The following SELENOT variants were observed in gnomAD, a reference collection of about 807,000 sequenced individuals.
The protein encoded by SELENOT is selenoprotein T, also known as thioredoxin reductase-like selenoprotein T.
SELENOT carries 9 observed loss-of-function variants against 24.3 expected under a neutral mutation model. That is an observed-to-expected ratio of 0.37 (90% CI 0.22 to 0.65). The LOEUF (loss-of-function observed/expected upper bound fraction) is 0.65. Ranked by LOEUF, SELENOT falls within the 30% of genes least tolerant of loss-of-function variation. The pLI is 0.60. For missense variants in SELENOT, 166 were observed against 247.6 expected, an observed-to-expected ratio of 0.67 and a Z score of 2.21; for synonymous variants, 81 against 86.0, an observed-to-expected ratio of 0.94 and a Z score of 0.32.
intron 1 of SELENOT, among the ~76,000 whole-genome samples, chr3:150,614,954 T>G (rs1726178545): frequency 6.7e-6 from 1 of 150,244 alleles, no homozygotes; most frequent in Non-Finnish European, 1.5e-5. Flanking sequence ...CATGCTGGTG[T>G]GCTGCACCCA....
At chr3:150,610,099 T>C (rs906604146) in intron 1 of SELENOT, among the ~76,000 whole-genome samples, 1 of 152,210 alleles carries the variant, frequency 6.6e-6, no homozygotes, top group Non-Finnish European at 1.5e-5. Flanking sequence ...CTAGTAGTTA[T>C]GTGAATGAAA....
rs368241110 is a variant in SELENOT, at chr3:150,603,529, C to T, written c.137+30C>T. 387 of 1,553,042 alleles carry T rather than the reference C, an allele frequency of 2.5e-4. No individual in the cohort carries two copies. The Middle Eastern group carries it at 8.5e-3, about 34-fold the overall frequency. On this transcript the variant is annotated intron_variant, in intron 1 of 5. Coordinates refer to ENST00000471696, the MANE Select transcript of SELENOT (RefSeq NM_016275.5). ...GTATGTGCACTGGGCCCCGGCCACC[C>T]CGCCGCGCCTCTGCTCGGCGCCATT...
chr3:150,604,123 GA>G (rs1442858662), intron 1 of SELENOT, among the ~76,000 whole-genome samples: 1 of 152,200 alleles, frequency 6.6e-6, no homozygotes, highest in Non-Finnish European at 1.5e-5. Context: ...CAAAGTGTCA[GA>G]AAAGGAGCAC....
intron 1 of SELENOT, among the ~76,000 whole-genome samples, chr3:150,610,427 G>A: frequency 6.6e-6 from 1 of 152,172 alleles, no homozygotes. Flanking sequence ...ACCAAAAACA[G>A]TCTTAACATT....
chr3:150,621,313 A>T (rs891997999), intron 1 of SELENOT, among the ~76,000 whole-genome samples: 56 of 152,102 alleles, frequency 3.7e-4, no homozygotes, highest in African/African-American at 1.4e-3. Flanking sequence ...AGATCTACTA[A>T]CATTTTTTAC....
chr3:150,604,171 C>T (rs1423511359), intron 1 of SELENOT, among the ~76,000 whole-genome samples: 1 of 152,188 alleles, frequency 6.6e-6, no homozygotes, highest in African/African-American at 2.4e-5. Flanking sequence ...GCTCGCATTC[C>T]CTCCTCACCT....
intron 1 of SELENOT, chr3:150,618,585 G>A (rs1726269635): frequency 6.6e-6 from 1 of 150,800 alleles, no homozygotes; most frequent in African/African-American, 2.5e-5. Context: ...GCAGTAGTGT[G>A]ATCTCGGCTC....
chr3:150,626,473 C>A (rs951307377), intron 4 of SELENOT, among the ~76,000 whole-genome samples: 2 of 152,200 alleles, frequency 1.3e-5, no homozygotes, highest in African/African-American at 4.8e-5. Flanking sequence ...TCTTCCCTAG[C>A]CCAAAATGTT....
chr3:150,612,454 A>G (rs1271439119), intron 1 of SELENOT, among the ~76,000 whole-genome samples: 3 of 152,156 alleles, frequency 2.0e-5, no homozygotes. Context: ...CTTTGAGGAT[A>G]ATTAGATTTT....
At chr3:150,625,422 T>C (rs1208674736) in intron 4 of SELENOT, among the ~76,000 whole-genome samples, 2 of 152,180 alleles carry the variant, frequency 1.3e-5, no homozygotes, top group Non-Finnish European at 2.9e-5. Flanking sequence ...CAGAAACCTA[T>C]GATAATATCA....
chr3:150,613,775 T>G (rs1409617401), intron 1 of SELENOT, among the ~76,000 whole-genome samples: 1 of 150,474 alleles, frequency 6.6e-6, no homozygotes, highest in Admixed American at 6.7e-5. Flanking sequence ...TCCCTAAGAT[T>G]CTCAACACAT....
intron 1 of SELENOT, among the ~76,000 whole-genome samples, chr3:150,621,614 CTTTTTTTTT>C (rs35489270): frequency 0.022 from 1,746 of 80,650 alleles, 50 homozygotes; most frequent in African/African-American, 0.079. Flanking sequence ...GGCATATTTC[CTTTTTTTTT>C]TTTTTTTTTT....
Position 150,618,005 on chromosome 3 carries a change from C to T in SELENOT, c.138-4380C>T, listed in dbSNP as rs527675425. Among the ~76,000 whole-genome samples, 33 of 152,050 alleles carry T rather than the reference C, an allele frequency of 2.2e-4. No homozygotes were observed. In the South Asian group the frequency reaches 3.5e-3, roughly 16 times the overall value. ...CCAAGTAGCTGGGACTACAGGCACGCGCCACCATGCCCTGCTAATTTTTAT... is the reference window on the plus strand; with the variant it reads ...CCAAGTAGCTGGGACTACAGGCACGTGCCACCATGCCCTGCTAATTTTTAT... On this transcript the variant is annotated intron_variant, in intron 1 of 5. Transcript: ENST00000471696.
At chr3:150,604,347 G>C (rs1279941971) in intron 1 of SELENOT, among the ~76,000 whole-genome samples, 1 of 152,110 alleles carries the variant, frequency 6.6e-6, no homozygotes, top group East Asian at 1.9e-4. Context: ...TGGGGTTGCG[G>C]GTGGGGATTG....
chr3:150,617,849 G>A (rs1008121098), intron 1 of SELENOT, among the ~76,000 whole-genome samples: 1 of 151,906 alleles, frequency 6.6e-6, no homozygotes, highest in African/African-American at 2.4e-5. Flanking sequence ...GTTTGGTTTG[G>A]TTTGGTTTGG....
At chr3:150,606,819 CTGACCTCAAAG>C (rs1442977109) in intron 1 of SELENOT, among the ~76,000 whole-genome samples, 1 of 152,172 alleles carries the variant, frequency 6.6e-6, no homozygotes, top group South Asian at 2.1e-4. Flanking sequence ...TTTTGAACTC[CTGACCTCAAAG>C]TGACCTACCC....
At chr3:150,611,743 C>T (rs1232079071) in intron 1 of SELENOT, 15 of 1,478,484 alleles carry the variant, frequency 1.0e-5, no homozygotes, top group Middle Eastern at 1.8e-4. Flanking sequence ...CCGGCCTGGC[C>T]GCCCCCAGGG....
At chr3:150,605,708 T>C (rs1725948424) in intron 1 of SELENOT, among the ~76,000 whole-genome samples, 1 of 152,182 alleles carries the variant, frequency 6.6e-6, no homozygotes, top group African/African-American at 2.4e-5. Context: ...TCAACTTAGC[T>C]TGTTGTTTGT....
chr3:150,608,421 A>G lies in SELENOT; in HGVS notation c.137+4922A>G, dbSNP rs115902624. Among the ~76,000 whole-genome samples, 1,420 of 152,338 alleles carry G rather than the reference A, an allele frequency of 9.3e-3. 22 individuals carry two copies. Among genetic ancestry groups the G allele is most frequent in the African/African-American group, 0.033 (1,369 of 41,572 alleles). ...TTTAAACGGACACACTAATGATTAT[A>G]AGATAAATCCTGTGGCTTTTTTTGT... On this transcript the variant is annotated intron_variant, in intron 1 of 5. Coordinates refer to ENST00000471696, the MANE Select transcript of SELENOT (RefSeq NM_016275.5).
Sources: allele counts gnomAD v4.1 joint callset (sites outside exome capture counted in the v4.1 genomes callset), GRCh38; gene constraint gnomAD v4.1.1; transcripts MANE v1.5; gene names NCBI Gene and HGNC (gene_info 2026-07-23, HGNC 2026-07-21).